Variants in ERFE observed in about 807,000 individuals in gnomAD.
ERFE encodes the protein complement C1q tumor necrosis factor-related protein 15.
In ERFE, 25 loss-of-function variants were observed where a neutral mutation model predicts 26.6. That is an observed-to-expected ratio of 0.94 (90% CI 0.69 to 1.31). The LOEUF is 1.31. Among genes scored for constraint, ERFE ranks in the 40% most tolerant of loss-of-function variants. The pLI, the probability that ERFE is intolerant of heterozygous loss-of-function variation, is 0.00. For missense variants in ERFE, 447 were observed against 440.2 expected (o/e 1.02, Z -0.14); for synonymous variants, 206 against 204.5 (o/e 1.01, Z -0.06).
In ERFE at chr2:238,163,839, A is replaced by G; in HGVS notation, c.527A>G (p.Glu176Gly). 3.8e-6 allele frequency: 5 copies of G among 1,320,050 alleles called. No individual in the cohort carries two copies. Among genetic ancestry groups the G allele is most frequent in the Non-Finnish European group, 3.8e-6 (4 of 1,041,860 alleles). The allele number at this position is 1,320,050 out of a possible 1,614,324, so 81.8% of individuals were successfully genotyped here. A position where few individuals can be genotyped will look rare whatever the true frequency, so the allele number is the denominator to read the frequency against. Residue 176 changes from glutamate to glycine, a missense_variant, in exon 4 of 8, where the codon GAG becomes GGG. Physicochemically the swap from Glu to Gly is moderately conservative, Grantham distance 98 (BLOSUM62 -2). Coordinates refer to ENST00000546354, the MANE Select transcript of ERFE (RefSeq NM_001291832.2). ...GCCCCGGTCTCGGCCACCGCCGGGGAGGACGACGACGACGTGGTGGGGGAC... is the reference window on the plus strand; with the variant it reads ...GCCCCGGTCTCGGCCACCGCCGGGGGGGACGACGACGACGTGGTGGGGGAC... ...SLAPVSATAG[E>G]DDDDVVGDVL...
At chr2:238,162,407 G>A (rs1363200518) in intron 2 of ERFE, among the ~76,000 whole-genome samples, 2 of 152,180 alleles carry the variant, frequency 1.3e-5, no homozygotes, top group African/African-American at 4.8e-5. Flanking sequence ...CTCGGGCCCA[G>A]TGCAGACCCT....
chr2:238,161,837 G>A, intron 2 of ERFE, 121 bp downstream of exon 2: 2 of 1,336,460 alleles, frequency 1.5e-6, no homozygotes, highest in Non-Finnish European at 2.0e-6. Flanking sequence ...TCGGCCTGGG[G>A]ACAGAGAACA....
In ERFE at chr2:238,167,200, G is replaced by A; in HGVS notation, c.*146G>A. Reference sequence around the variant, plus strand: ...ACTGGCCACTGCAGTTCAGCCCACAGAGCCACTGCAGGCAGGCCTACGGAC... The same window carrying A: ...ACTGGCCACTGCAGTTCAGCCCACAAAGCCACTGCAGGCAGGCCTACGGAC... On this transcript the variant is annotated 3_prime_UTR_variant, in exon 8 of 8. Transcript: ENST00000546354. 1 of 870,110 alleles carries A rather than the reference G, an allele frequency of 1.1e-6. No homozygotes were observed. The highest frequency in any genetic ancestry group is 1.9e-6 in the Non-Finnish European group (1 of 538,532). 53.9% of individuals were successfully genotyped at this position (870,110 alleles called of 1,614,324 possible).
At position 238,164,000 on chromosome 2, in the gene ERFE, G is replaced by C; in HGVS notation, c.687+1G>C. 1 of 1,382,880 alleles carries C rather than the reference G, an allele frequency of 7.2e-7. No homozygotes were observed. Among genetic ancestry groups the C allele is most frequent in the Non-Finnish European group, 9.3e-7 (1 of 1,075,490 alleles). 85.7% of individuals were successfully genotyped at this position (1,382,880 alleles called of 1,614,324 possible). A position where few individuals can be genotyped will look rare whatever the true frequency, so the allele number is the denominator to read the frequency against. ...GCACGAGCTTGGCGTCTACTACCTG[G>C]TGAGTGCCGGCGCGCGGGAGGGCGG... On this transcript the variant is annotated splice_donor_variant, in intron 4 of 7. Transcript: ENST00000546354. LOFTEE classifies it high-confidence loss of function.
Position 238,167,619 on chromosome 2 carries a change from G to A in ERFE, c.*565G>A, listed in dbSNP as rs932619480. On this transcript the variant is annotated 3_prime_UTR_variant, in exon 8 of 8. Coordinates refer to ENST00000546354, the MANE Select transcript of ERFE (RefSeq NM_001291832.2). ...GGTCTTCCCTGCCCCTCCCCTAACC[G>A]TGTTCTACCTGCCAGTGGAGCTGAG... The A allele has an allele frequency of 3.6e-5, 13 of 364,558 alleles. No individual in the cohort carries two copies. The highest frequency in any genetic ancestry group is 1.5e-4 in the East Asian group (2 of 13,604). The allele number at this position is 364,558 out of a possible 1,614,324, so 22.6% of individuals were successfully genotyped here. A position where few individuals can be genotyped will look rare whatever the true frequency, so the allele number is the denominator to read the frequency against.
intron 3 of ERFE, 67 bp downstream of exon 3, chr2:238,162,905 G>C (rs1408996128): frequency 6.1e-6 from 8 of 1,305,084 alleles, no homozygotes; most frequent in Non-Finnish European, 6.4e-6. Context: ...GGTGTCCCGA[G>C]GAGCTGACAG....
chr2:238,162,263 C>T (rs1202509489), intron 2 of ERFE, among the ~76,000 whole-genome samples: 2 of 152,348 alleles, frequency 1.3e-5, no homozygotes, highest in South Asian at 2.1e-4. Flanking sequence ...GTGCACAGGC[C>T]GCGCTGTCCT....
At chr2:238,165,563 G>A (rs1693020884) in intron 6 of ERFE, 43 bp from the exon 7 acceptor site, 6 of 1,488,354 alleles carry the variant, frequency 4.0e-6, no homozygotes, top group Non-Finnish European at 5.5e-6. Flanking sequence ...AAGTTGGTGG[G>A]GTCTCATGGG....
chr2:238,162,624 A>G, intron 2 of ERFE, 112 bp from the exon 3 acceptor site: 1 of 727,748 alleles, frequency 1.4e-6, no homozygotes. Flanking sequence ...TGGAGGTTGG[A>G]GCCCACTGGG....
At chr2:238,163,028 C>T (rs1692963954) in intron 3 of ERFE, among the ~76,000 whole-genome samples, 190 bp downstream of exon 3, 1 of 152,264 alleles carries the variant, frequency 6.6e-6, no homozygotes, top group African/African-American at 2.4e-5. Context: ...CCATGTCTGC[C>T]AAGGGTCAGG....
rs550347748 is a variant in ERFE, at chr2:238,164,014, G to A, written c.687+15G>A. On this transcript the variant is annotated intron_variant, in intron 4 of 7. Coordinates refer to ENST00000546354, the MANE Select transcript of ERFE (RefSeq NM_001291832.2). ...TCTACTACCTGGTGAGTGCCGGCGCGCGGGAGGGCGGGTGAGTCCGGCCGG... is the reference window on the plus strand; with the variant it reads ...TCTACTACCTGGTGAGTGCCGGCGCACGGGAGGGCGGGTGAGTCCGGCCGG... The A allele has an allele frequency of 7.7e-4, 1,051 of 1,373,350 alleles. 18 individuals carry two copies. The East Asian group carries it at 0.028, about 37-fold the overall frequency. 85.1% of individuals were successfully genotyped at this position (1,373,350 alleles called of 1,614,324 possible).
chr2:238,163,553 G>A (rs1421258775), intron 3 of ERFE, 184 bp from the exon 4 acceptor site: 1 of 714,472 alleles, frequency 1.4e-6, no homozygotes, highest in East Asian at 3.7e-5. Flanking sequence ...GAGGGAAACG[G>A]GAGCCGCTGC....
chr2:238,168,594 A>G lies in ERFE; in HGVS notation c.*1540A>G. ...TCCATCCCCAAGTGCAGTAACACAC[A>G]AAAACCAAACACTCTGCCCTGGGAA... On this transcript the variant is annotated 3_prime_UTR_variant, in exon 8 of 8. Transcript: ENST00000546354. 1 of 395,708 alleles carries G rather than the reference A, an allele frequency of 2.5e-6. No individual in the cohort carries two copies. The highest frequency in any genetic ancestry group is 7.2e-5 in the East Asian group (1 of 13,840). 24.5% of individuals were successfully genotyped at this position (395,708 alleles called of 1,614,324 possible).
Position 238,168,704 on chromosome 2 carries a change from G to C in ERFE, c.*1650G>C, listed in dbSNP as rs146542503. The C allele has an allele frequency of 1.3e-4, 41 of 306,546 alleles. No homozygotes were observed. The highest frequency in any genetic ancestry group is 4.6e-4 in the Admixed American group (10 of 21,770). The allele number at this position is 306,546 out of a possible 1,614,324, so 19.0% of individuals were successfully genotyped here. On this transcript the variant is annotated 3_prime_UTR_variant, in exon 8 of 8. Transcript: ENST00000546354. ...CCTGGGTACTGCATCCGTGTGTTTT[G>C]ATAAGGGGGTGATGTGGCCACGCCC...
chr2:238,165,321 C>T (rs1471292159), intron 6 of ERFE, among the ~76,000 whole-genome samples: 1 of 152,258 alleles, frequency 6.6e-6, no homozygotes, highest in Non-Finnish European at 1.5e-5. Flanking sequence ...CACCACATCC[C>T]CACTTCCGGC....
rs1351293472 is a variant in ERFE at position 238,167,091 on chromosome 2, G to A, written c.*37G>A. On this transcript the variant is annotated 3_prime_UTR_variant, in exon 8 of 8. Transcript: ENST00000546354. Reference sequence around the variant, plus strand: ...AGGCCCTTCCTCTCAGGGGCAAATGGAGCACAGATCTAGACAATGTGTGGA... The same window carrying A: ...AGGCCCTTCCTCTCAGGGGCAAATGAAGCACAGATCTAGACAATGTGTGGA... 3 of 1,532,492 alleles carry A rather than the reference G, an allele frequency of 2.0e-6. No homozygotes were observed. Among genetic ancestry groups the A allele is most frequent in the East Asian group, 2.4e-5 (1 of 40,824 alleles). 94.9% of individuals were successfully genotyped at this position (1,532,492 alleles called of 1,614,324 possible).
At chr2:238,162,475 C>A (rs1692953178) in intron 2 of ERFE, among the ~76,000 whole-genome samples, 1 of 152,268 alleles carries the variant, frequency 6.6e-6, no homozygotes, top group African/African-American at 2.4e-5. Context: ...GGCCTGGCCG[C>A]AGGAGCGGGC....
In ERFE at chr2:238,162,808, C is replaced by T; in HGVS notation, c.394C>T (p.Leu132=). ...AGGCCCCATCATCCCACCCGAGGCG[C>T]TGCTGAAGGAGTTCCAGCTGCTGCT... ...PPGPIIPPEA[L]LKEFQLLLKG... Residue 132 remains leucine (L), a synonymous_variant, in exon 3 of 8, where the codon CTG becomes TTG. Coordinates refer to ENST00000546354, the MANE Select transcript of ERFE (RefSeq NM_001291832.2). The T allele has an allele frequency of 6.4e-7, 1 of 1,550,434 alleles. No individual in the cohort carries two copies. The highest frequency in any genetic ancestry group is 8.7e-7 in the Non-Finnish European group (1 of 1,146,914).
rs1460934563 is a variant in ERFE at position 238,159,159 on chromosome 2, C to G, written c.152C>G (p.Pro51Arg). The change falls in exon 1 of 8, where the codon CCC becomes CGC. Residue 51 changes from proline to arginine, a missense_variant. Pro to Arg is a moderately radical substitution (Grantham distance 103). Coordinates refer to ENST00000546354, the MANE Select transcript of ERFE (RefSeq NM_001291832.2). ...GAGCCGCCGCCCGGGAACGAGCTGC[C>G]CCGGGGCCCCGGGGAGAGCCGCGCG... ...RREPPPGNEL[P>R]RGPGESRAGP... 4.7e-6 allele frequency: 1 copy of G among 212,002 alleles called. No individual in the cohort carries two copies. The highest frequency in any genetic ancestry group is 9.2e-6 in the Non-Finnish European group (1 of 108,978). 13.1% of individuals were successfully genotyped at this position (212,002 alleles called of 1,614,324 possible).
Sources: gnomAD v4.1 joint callset for allele counts (sites outside exome capture counted in the v4.1 genomes callset) on GRCh38, gnomAD v4.1.1 for gene constraint, MANE v1.5 for transcripts, NCBI Gene and HGNC (gene_info 2026-07-23, HGNC 2026-07-21) for gene names.